Variants in PDE2A observed in about 807,000 individuals in gnomAD.
PDE2A encodes phosphodiesterase 2A, also known as cGMP-dependent 3',5'-cyclic phosphodiesterase.
A neutral mutation model predicts 133.6 loss-of-function variants in PDE2A; 53 were observed. That is an observed-to-expected ratio of 0.40 (90% CI 0.32 to 0.50). The LOEUF (loss-of-function observed/expected upper bound fraction) is 0.50. PDE2A is among the 20% of genes least tolerant of loss of function. The pLI is 0.73. For synonymous variants in PDE2A, 491 were observed against 490.2 expected (o/e 1.00, Z -0.02); for missense variants, 796 against 1,232.4 (o/e 0.65, Z 5.30).
In PDE2A at chr11:72,652,143, G is replaced by A. The variant is rs142688640; in HGVS notation, c.72-9817C>T. 3.1e-3 allele frequency among the ~76,000 whole-genome samples: 467 copies of A among 152,328 alleles called. 3 individuals carry two copies. The highest frequency in any genetic ancestry group is 5.5e-3 in the Non-Finnish European group (372 of 68,026). ...GGGAGCAGCATGAGAATAAGCAAGG[G>A]GACCCCAATGTAGCTCCCTACCCAG... On this transcript the variant is annotated intron_variant, in intron 1 of 30. Transcript: ENST00000334456.
At position 72,589,278 on chromosome 11, in the gene PDE2A, T is replaced by A. The variant is rs761977704; in HGVS notation, c.874-38A>T. 3 of 1,502,850 alleles carry A rather than the reference T, an allele frequency of 2.0e-6. No homozygotes were observed. The Admixed American group carries it at 5.1e-5, about 25-fold the overall frequency. The allele number at this position is 1,502,850 out of a possible 1,614,324, so 93.1% of individuals were successfully genotyped here. A position where few individuals can be genotyped will look rare whatever the true frequency, so the allele number is the denominator to read the frequency against. On this transcript the variant is annotated intron_variant, in intron 11 of 30. Transcript: ENST00000334456. Reference sequence around the variant, plus strand: ...GAGAGACTGAGTCAGGGCCCAGTACTCCCCAGGTCAGGGGATCTCAACCTG... The same window carrying A: ...GAGAGACTGAGTCAGGGCCCAGTACACCCCAGGTCAGGGGATCTCAACCTG...
At chr11:72,638,391 G>A (rs1308022293) in intron 2 of PDE2A, among the ~76,000 whole-genome samples, 1 of 152,206 alleles carries the variant, frequency 6.6e-6, no homozygotes, top group Non-Finnish European at 1.5e-5. Flanking sequence ...GCCAGACCCA[G>A]CTCAGGACAC....
chr11:72,579,836 A>C, intron 25 of PDE2A: 1 of 521,850 alleles, frequency 1.9e-6, no homozygotes, highest in South Asian at 3.3e-5. Context: ...CTCAGCTGTC[A>C]CATGCAGGGA....
intron 14 of PDE2A, 38 bp from the exon 15 acceptor site, chr11:72,585,631 G>A: frequency 1.2e-6 from 2 of 1,601,886 alleles, no homozygotes; most frequent in African/African-American, 1.3e-5. Context: ...GGGGGTCGGG[G>A]TGTAGGGGTC....
intron 1 of PDE2A, among the ~76,000 whole-genome samples, chr11:72,665,944 G>C (rs1415392295): frequency 6.6e-6 from 1 of 151,766 alleles, no homozygotes; most frequent in South Asian, 2.1e-4. Context: ...AGCAACTACT[G>C]CAAAGAAGAA....
chr11:72,585,112 T>C (rs1329014995), intron 16 of PDE2A, 168 bp from the exon 17 acceptor site: 8 of 574,256 alleles, frequency 1.4e-5, no homozygotes, highest in Non-Finnish European at 2.2e-5. Context: ...TTCAAGTGTT[T>C]TGTTTTTTTT....
chr11:72,595,428 G>A (rs555584475), intron 6 of PDE2A, among the ~76,000 whole-genome samples: 1 of 152,126 alleles, frequency 6.6e-6, no homozygotes, highest in African/African-American at 2.4e-5. Flanking sequence ...GGGGTGGGGG[G>A]AGCAGCTTGC....
chr11:72,665,491 GCA>G (rs1415243719), intron 1 of PDE2A, among the ~76,000 whole-genome samples: 1 of 151,756 alleles, frequency 6.6e-6, no homozygotes, highest in Non-Finnish European at 1.5e-5. Flanking sequence ...GCTTCCAGGT[GCA>G]CAGTCTAACC....
intron 2 of PDE2A, among the ~76,000 whole-genome samples, chr11:72,608,999 A>G (rs1453702373): frequency 6.6e-6 from 1 of 152,228 alleles, no homozygotes; most frequent in Non-Finnish European, 1.5e-5. Context: ...AAGGCCTCAT[A>G]GTGAGTCAAC....
intron 3 of PDE2A, among the ~76,000 whole-genome samples, chr11:72,606,215 G>T (rs1246239119): frequency 1.3e-5 from 2 of 151,892 alleles, no homozygotes; most frequent in Admixed American, 1.3e-4. Context: ...CGGGATCCCT[G>T]ACCAACCCCC....
Position 72,581,251 on chromosome 11 carries a change from C to G in PDE2A, c.2045+106G>C, listed in dbSNP as rs547662664. The G allele has an allele frequency of 8.8e-5, 102 of 1,160,868 alleles. No homozygotes were observed. The African/African-American group carries it at 1.4e-3, about 16-fold the overall frequency. 71.9% of individuals were successfully genotyped at this position (1,160,868 alleles called of 1,614,324 possible). ...TCTAGTCCCCTGGGGCTAAGAAGAT[C>G]CCATGAGGCAGTGCGTGTAAAGTGC... On this transcript the variant is annotated intron_variant, in intron 23 of 30. Transcript: ENST00000334456.
At chr11:72,589,614 G>T in intron 11 of PDE2A, 137 bp downstream of exon 11, 1 of 752,042 alleles carries the variant, frequency 1.3e-6, no homozygotes. Flanking sequence ...GCATTTCTAA[G>T]TAGTCCCAAG....
intron 2 of PDE2A, among the ~76,000 whole-genome samples, chr11:72,617,935 T>C (rs1303054376): frequency 6.6e-6 from 1 of 152,160 alleles, no homozygotes; most frequent in African/African-American, 2.4e-5. Flanking sequence ...ATCTTCTGAG[T>C]GGGGTCCGTC....
In PDE2A at chr11:72,589,187, C is replaced by T. The variant is rs116404146; in HGVS notation, c.927G>A (p.Lys309=). 9.6e-4 allele frequency: 1,554 copies of T among 1,613,760 alleles called. 10 individuals carry two copies. The African/African-American group carries it at 0.018, about 19-fold the overall frequency. The stretch of plus-strand genomic sequence containing the variant: ...GGCCATGACTTACGGAGGTGAGGTC[C>T]TTCAGCTGGATGGACTTCTTGTCTT... The part of the protein sequence containing the change: ...VVEDKKSIQL[K]DLTSEDVQQL... Residue 309 remains lysine (K), a synonymous_variant, in exon 12 of 31, where the codon AAG becomes AAA. Coordinates refer to ENST00000334456, the MANE Select transcript of PDE2A (RefSeq NM_002599.5).
At chr11:72,594,368 T>C (rs1856380252) in intron 6 of PDE2A, among the ~76,000 whole-genome samples, 1 of 152,132 alleles carries the variant, frequency 6.6e-6, no homozygotes, top group Admixed American at 6.5e-5. Context: ...AGCTGGGAAG[T>C]CTGGGGCTGC....
chr11:72,577,368 G>C lies in PDE2A; in HGVS notation c.*16C>G. On this transcript the variant is annotated 3_prime_UTR_variant, in exon 31 of 31. Coordinates refer to ENST00000334456, the MANE Select transcript of PDE2A (RefSeq NM_002599.5). ...TGTGGGAGGTGGCCTGGGCAGGGAA[G>C]TGTCCCTGGAGGGGATCACTCAGCA... 1 of 1,596,460 alleles carries C rather than the reference G, an allele frequency of 6.3e-7. No homozygotes were observed. The highest frequency in any genetic ancestry group is 8.6e-7 in the Non-Finnish European group (1 of 1,166,184).
intron 1 of PDE2A, among the ~76,000 whole-genome samples, chr11:72,652,120 G>C (rs905592517): frequency 4.6e-5 from 7 of 152,230 alleles, no homozygotes; most frequent in Non-Finnish European, 1.0e-4. Flanking sequence ...CAGAAGTAGG[G>C]AGCAGCATGA....
Position 72,588,868 on chromosome 11 carries a change from G to C in PDE2A, c.986C>G (p.Ala329Gly), listed in dbSNP as rs145721529. The change falls in exon 13 of 31, where the codon GCC (alanine) becomes GGC (glycine). Residue 329 changes from alanine to glycine, a missense_variant. By Grantham distance (60) the Ala-to-Gly change is moderately conservative. This residue lies in a region of PDE2A where 417 missense variants were observed against 475.3 expected (regional missense o/e 0.88). Coordinates refer to ENST00000334456, the MANE Select transcript of PDE2A (RefSeq NM_002599.5). ...LQSMLGCELQ[A>G]MLCVPVISRA... The stretch of plus-strand genomic sequence containing the variant: ...GCTGATGACAGGGACACAGAGCATG[G>C]CCTGCAGCTCACAGCCCAACATGCT... 6.2e-7 allele frequency: 1 copy of C among 1,611,308 alleles called. No homozygotes were observed. Among genetic ancestry groups the C allele is most frequent in the African/African-American group, 1.3e-5 (1 of 74,918 alleles).
At chr11:72,647,583 G>C (rs941473043) in intron 1 of PDE2A, among the ~76,000 whole-genome samples, 2 of 152,236 alleles carry the variant, frequency 1.3e-5, no homozygotes, top group Non-Finnish European at 2.9e-5. Context: ...ACCTGGGCTA[G>C]AGCCCATGGA....
Sources: allele counts gnomAD v4.1 joint callset (sites outside exome capture counted in the v4.1 genomes callset), GRCh38; gene constraint gnomAD v4.1.1; regional missense constraint gnomAD v4.1.1; transcripts MANE v1.5; gene names NCBI Gene and HGNC (gene_info 2026-07-23, HGNC 2026-07-21).